Variants in DLG1 observed in about 807,000 individuals in gnomAD.
The protein encoded by DLG1 is discs large MAGUK scaffold protein 1.
A neutral mutation model predicts 123.4 loss-of-function variants in DLG1; 42 were observed. The observed-to-expected ratio is 0.34, with a 90% CI of 0.27 to 0.44. DLG1 has a LOEUF of 0.44. Ranked by LOEUF, DLG1 falls within the 20% of genes least tolerant of loss-of-function variation. The pLI is 1.00. For synonymous variants in DLG1, 317 were observed against 356.2 expected, an observed-to-expected ratio of 0.89 and a Z score of 1.24; for missense variants, 942 against 1,082.6, an observed-to-expected ratio of 0.87 and a Z score of 1.82.
At chr3:197,103,714 T>C (rs1478336446) in intron 14 of DLG1, among the ~76,000 whole-genome samples, 2 of 150,570 alleles carry the variant, frequency 1.3e-5, no homozygotes, top group African/African-American at 2.5e-5. Flanking sequence ...CTCAACATGC[T>C]GCTTTGATCA....
chr3:197,289,906 T>C (rs1192739420), intron 3 of DLG1, among the ~76,000 whole-genome samples: 1 of 152,212 alleles, frequency 6.6e-6, no homozygotes, highest in East Asian at 1.9e-4. Context: ...CTAAGAATCA[T>C]ACATGACTCA....
intron 3 of DLG1, among the ~76,000 whole-genome samples, chr3:197,288,736 AAAAAAAAATACATACATAC>A (rs1447163765): frequency 3.2e-5 from 4 of 125,648 alleles, no homozygotes; most frequent in South Asian, 2.9e-4. Flanking sequence ...AAAAAAAAAA[AAAAAAAAATACATACATAC>A]ATACATACAT....
At chr3:197,112,253 G>A (rs1433185243) in intron 13 of DLG1, among the ~76,000 whole-genome samples, 1 of 152,164 alleles carries the variant, frequency 6.6e-6, no homozygotes, top group Non-Finnish European at 1.5e-5. Context: ...TTAGTGTATA[G>A]TTAAGTTTTG....
At chr3:197,129,645 G>C (rs1033059398) in intron 11 of DLG1, among the ~76,000 whole-genome samples, 2 of 152,286 alleles carry the variant, frequency 1.3e-5, no homozygotes, top group African/African-American at 2.4e-5. Context: ...CATTGAACAT[G>C]CCTTCCTCAC....
Position 197,185,553 on chromosome 3 carries a change from AC to A in DLG1, c.483+8871del, listed in dbSNP as rs529874019. Among the ~76,000 whole-genome samples the A allele has an allele frequency of 2.4e-4, 36 of 152,284 alleles. No homozygotes were observed. The East Asian group carries it at 6.6e-3, about 28-fold the overall frequency. ...GAATGTAAGAAAATACTAAGGGCGG[AC>A]AGGTAACTAAGAATCCTCTTGTGAA... On this transcript the variant is annotated intron_variant, in intron 5 of 24. Transcript: ENST00000667157.
intron 3 of DLG1, among the ~76,000 whole-genome samples, chr3:197,284,351 A>T (rs1338894790): frequency 6.6e-6 from 1 of 152,192 alleles, no homozygotes; most frequent in East Asian, 1.9e-4. Flanking sequence ...ACTATGTAAA[A>T]CAAAATCCAA....
chr3:197,079,792 T>C (rs1292868930), intron 17 of DLG1, among the ~76,000 whole-genome samples: 1 of 152,152 alleles, frequency 6.6e-6, no homozygotes, highest in Non-Finnish European at 1.5e-5. Context: ...TTTAAAGGAA[T>C]TTATCATTTC....
rs532128942 is a variant in DLG1 at position 197,219,049 on chromosome 3, T to C, written c.319-24460A>G. ...GGAAGGCTGAGGCAGGAGAATCGCT[T>C]GAACCCAGGAGGCAGAGGTTGCGGT... On this transcript the variant is annotated intron_variant, in intron 4 of 24. Transcript: ENST00000667157. 2.6e-5 allele frequency among the ~76,000 whole-genome samples: 4 copies of C among 151,906 alleles called. No individual in the cohort carries two copies. The East Asian group carries it at 5.8e-4, about 22-fold the overall frequency.
chr3:197,105,216 C>T (rs1477362085), intron 13 of DLG1, among the ~76,000 whole-genome samples: 1 of 152,172 alleles, frequency 6.6e-6, no homozygotes, highest in Non-Finnish European at 1.5e-5. Context: ...AACCACCTTG[C>T]TTAATGTCAA....
chr3:197,079,703 T>C (rs1749650116), intron 17 of DLG1, among the ~76,000 whole-genome samples: 1 of 152,340 alleles, frequency 6.6e-6, no homozygotes, highest in East Asian at 1.9e-4. Context: ...ACCTGGGATT[T>C]TTCCTCTAAT....
intron 8 of DLG1, 120 bp from the exon 9 acceptor site, chr3:197,138,511 A>T (rs1404391036): frequency 2.6e-6 from 1 of 391,948 alleles, no homozygotes; most frequent in Non-Finnish European, 3.9e-6. Context: ...ATAATTCTGG[A>T]GTAATTCCAG....
At chr3:197,106,751 A>G (rs750504827) in intron 13 of DLG1, among the ~76,000 whole-genome samples, 4 of 152,222 alleles carry the variant, frequency 2.6e-5, no homozygotes, top group Non-Finnish European at 5.9e-5. Context: ...TGAACATTTC[A>G]ATTGAAGATA....
intron 4 of DLG1, among the ~76,000 whole-genome samples, chr3:197,221,483 C>T (rs550007575): frequency 2.6e-5 from 4 of 151,898 alleles, no homozygotes; most frequent in Admixed American, 1.3e-4. Flanking sequence ...CGAGGCTGCA[C>T]CACTGCACTC....
At chr3:197,292,043 A>G (rs1468347807) in intron 3 of DLG1, among the ~76,000 whole-genome samples, 3 of 152,196 alleles carry the variant, frequency 2.0e-5, no homozygotes, top group Non-Finnish European at 2.9e-5. Flanking sequence ...TGCAATCACT[A>G]TGGAAAACAT....
intron 7 of DLG1, among the ~76,000 whole-genome samples, chr3:197,141,031 A>G (rs1576986109): frequency 6.6e-6 from 1 of 152,204 alleles, no homozygotes; most frequent in Non-Finnish European, 1.5e-5. Flanking sequence ...AAAATAATTG[A>G]TTTAACCAAT....
chr3:197,298,919 G>A (rs371564668), upstream of DLG1: 20 of 227,664 alleles, frequency 8.8e-5, no homozygotes, highest in East Asian at 1.7e-3. Flanking sequence ...ACTTAAGGGT[G>A]GGCAGAGAAG....
chr3:197,269,929 C>A lies in DLG1; in HGVS notation c.318+12750G>T, dbSNP rs368408929. 8.5e-5 allele frequency among the ~76,000 whole-genome samples: 13 copies of A among 152,204 alleles called. No homozygotes were observed. The East Asian group carries it at 2.1e-3, about 25-fold the overall frequency. ...ATATTAATATTGTAAACTATTAATA[C>A]AATATTTTGCATTAATATTTTAAAA... On this transcript the variant is annotated intron_variant, in intron 4 of 24. Transcript: ENST00000667157.
intron 12 of DLG1, among the ~76,000 whole-genome samples, chr3:197,118,714 T>A (rs1456985574): frequency 6.6e-6 from 1 of 152,132 alleles, no homozygotes; most frequent in African/African-American, 2.4e-5. Context: ...TTTTCACCAA[T>A]TTTTTTCTAC....
chr3:197,130,718 T>C (rs1782043839), intron 10 of DLG1, 47 bp from the exon 11 acceptor site: 3 of 1,425,264 alleles, frequency 2.1e-6, no homozygotes, highest in South Asian at 2.9e-5. Flanking sequence ...ACTTGTTCTC[T>C]GAGTTTTGGA....
Sources: allele counts gnomAD v4.1 joint callset (sites outside exome capture counted in the v4.1 genomes callset), GRCh38; gene constraint gnomAD v4.1.1; transcripts MANE v1.5; gene names NCBI Gene and HGNC (gene_info 2026-07-23, HGNC 2026-07-21).